The following CSTPP1 variants were observed in gnomAD, a reference collection of about 807,000 sequenced individuals.
CSTPP1 encodes centriolar satellite-associated tubulin polyglutamylase complex regulator 1, also known as UPF0705 protein C11orf49.
At chr11:47,148,836 T>C in the CSTPP1 span, among the ~76,000 whole-genome samples, 1 of 152,096 alleles carries the variant, frequency 6.6e-6, no homozygotes, top group Non-Finnish European at 1.5e-5. Context: ...CAGAGGGAAA[T>C]TGTCACTTGG....
chr11:47,090,829 G>C, the CSTPP1 span, among the ~76,000 whole-genome samples: 3 of 152,068 alleles, frequency 2.0e-5, no homozygotes, highest in Non-Finnish European at 2.9e-5. Context: ...CACAAGGTCA[G>C]GAGATCGAGA....
At chr11:46,957,859 A>G in the CSTPP1 span, among the ~76,000 whole-genome samples, 1 of 152,190 alleles carries the variant, frequency 6.6e-6, no homozygotes, top group South Asian at 2.1e-4. Flanking sequence ...TTGAATATCA[A>G]AAATATCTAT....
chr11:47,101,194 T>TTTTTTTTTTTTTTG, the CSTPP1 span, among the ~76,000 whole-genome samples: 2 of 122,610 alleles, frequency 1.6e-5, no homozygotes, highest in Non-Finnish European at 3.4e-5. Context: ...TTTTTTATTT[T>TTTTTTTTTTTTTTG]ATTTTTAGTA....
chr11:47,152,437 G>A, the CSTPP1 span, among the ~76,000 whole-genome samples: 3 of 152,108 alleles, frequency 2.0e-5, no homozygotes, highest in African/African-American at 7.2e-5. Flanking sequence ...AGGCTGGAAG[G>A]GTGTGCCCTG....
chr11:47,088,372 G>A, the CSTPP1 span, among the ~76,000 whole-genome samples: 1 of 152,110 alleles, frequency 6.6e-6, no homozygotes, highest in Admixed American at 6.5e-5. Flanking sequence ...TGAAACCGGT[G>A]TGGGTAGGAC....
the CSTPP1 span, among the ~76,000 whole-genome samples, chr11:46,973,806 G>A: frequency 2.0e-5 from 3 of 151,266 alleles, 1 homozygote; most frequent in Admixed American, 2.0e-4. Flanking sequence ...GTGTCTGTGT[G>A]TGTCTGTGTG....
At chr11:47,022,358 CTTTTTTTTTTTT>C in the CSTPP1 span, among the ~76,000 whole-genome samples, 3 of 48,806 alleles carry the variant, frequency 6.1e-5, no homozygotes, top group East Asian at 4.0e-4. Flanking sequence ...TTCATATGTC[CTTTTTTTTTTTT>C]TTTTTTTTTT....
At chr11:47,052,566 TCTTC>T in the CSTPP1 span, 247 of 1,562,604 alleles carry the variant, frequency 1.6e-4, 1 homozygote, top group African/African-American at 2.0e-3. Context: ...TTCCTTCCTT[TCTTC>T]CTTCCTTCCT....
chr11:47,157,717 G>A, the CSTPP1 span: 1 of 1,217,810 alleles, frequency 8.2e-7, no homozygotes, highest in Admixed American at 1.9e-5. Flanking sequence ...GCAGGTCCCT[G>A]GCTTGGCTGT....
the CSTPP1 span, among the ~76,000 whole-genome samples, chr11:47,018,810 C>A: frequency 6.6e-6 from 1 of 152,108 alleles, no homozygotes; most frequent in Non-Finnish European, 1.5e-5. Context: ...TTCTTATTTG[C>A]CATTCACATA....
At chr11:47,104,108 G>T in the CSTPP1 span, among the ~76,000 whole-genome samples, 11 of 152,106 alleles carry the variant, frequency 7.2e-5, no homozygotes, top group African/African-American at 2.7e-4. Flanking sequence ...TTCATGGTGC[G>T]ACAATGAGCA....
At chr11:47,032,805 A>G in the CSTPP1 span, among the ~76,000 whole-genome samples, 91 of 152,312 alleles carry the variant, frequency 6.0e-4, no homozygotes, top group African/African-American at 2.1e-3. Context: ...CTTGAACAAC[A>G]TGAGGGTTAC....
chr11:47,002,147 G>T, the CSTPP1 span, among the ~76,000 whole-genome samples: 1 of 144,156 alleles, frequency 6.9e-6, no homozygotes, highest in East Asian at 2.2e-4. Flanking sequence ...AAAATTACCC[G>T]TTTCTCATTG....
At chr11:47,111,843 C>T in the CSTPP1 span, among the ~76,000 whole-genome samples, 62 of 152,244 alleles carry the variant, frequency 4.1e-4, no homozygotes, top group Non-Finnish European at 8.1e-4. Context: ...GATGTAGATA[C>T]CATTTATTAA....
At chr11:47,086,959 A>G in the CSTPP1 span, among the ~76,000 whole-genome samples, 7 of 152,180 alleles carry the variant, frequency 4.6e-5, no homozygotes, top group Non-Finnish European at 7.3e-5. Context: ...TATATTTAGT[A>G]TATTTGTTTA....
chr11:46,994,288 G>A, the CSTPP1 span, among the ~76,000 whole-genome samples: 1 of 151,986 alleles, frequency 6.6e-6, no homozygotes, highest in Non-Finnish European at 1.5e-5. Flanking sequence ...CTGCCTAATT[G>A]CCCTGGCCAG....
the CSTPP1 span, among the ~76,000 whole-genome samples, chr11:46,941,544 T>C: frequency 6.6e-6 from 1 of 152,092 alleles, no homozygotes; most frequent in Non-Finnish European, 1.5e-5. Flanking sequence ...TTCACCATGT[T>C]TGCCAGGCTG....
the CSTPP1 span, among the ~76,000 whole-genome samples, chr11:47,151,913 A>C: frequency 6.6e-6 from 1 of 151,914 alleles, no homozygotes; most frequent in Non-Finnish European, 1.5e-5. Context: ...GGAAATAACA[A>C]TAAGACCCAC....
At chr11:47,015,878 T>G in the CSTPP1 span, among the ~76,000 whole-genome samples, 2 of 151,304 alleles carry the variant, frequency 1.3e-5, no homozygotes, top group African/African-American at 4.9e-5. Flanking sequence ...ACCCACCATA[T>G]AAAAAGAAAA....
Sources: allele counts gnomAD v4.1 joint callset (sites outside exome capture counted in the v4.1 genomes callset), GRCh38; gene constraint gnomAD v4.1.1; transcripts MANE v1.5; gene names NCBI Gene and HGNC (gene_info 2026-07-23, HGNC 2026-07-21).